TEX101: variants seen among roughly 807,000 people sequenced by gnomAD.
TEX101 encodes testis expressed 101, also known as testis-expressed protein 101.
Under a neutral mutation model 18.1 loss-of-function variants are expected in TEX101, and 10 were observed. That is an observed-to-expected ratio of 0.55 (90% CI 0.34 to 0.94). The LOEUF is 0.94. TEX101 is among the 40% of genes least tolerant of loss of function. The pLI is 0.02. For synonymous variants in TEX101, 94 were observed against 114.8 expected, an observed-to-expected ratio of 0.82 and a Z score of 1.16; for missense variants, 259 against 298.9, an observed-to-expected ratio of 0.87 and a Z score of 0.98.
At chr19:43,402,177 G>C (rs1274998842) in intron 1 of TEX101, among the ~76,000 whole-genome samples, 1 of 152,256 alleles carries the variant, frequency 6.6e-6, no homozygotes, top group African/African-American at 2.4e-5. Context: ...AACTGAACCA[G>C]TATGAATATG....
At chr19:43,388,968 G>A in the TEX101 span, among the ~76,000 whole-genome samples, 36 of 152,074 alleles carry the variant, frequency 2.4e-4, no homozygotes, top group South Asian at 8.3e-4. Context: ...GGTTCCTCCC[G>A]GGCCCTGCCT....
At chr19:43,413,435 G>C (rs1970436896), upstream of TEX101, among the ~76,000 whole-genome samples, 1 of 149,856 alleles carries the variant, frequency 6.7e-6, no homozygotes, top group Admixed American at 6.7e-5. Context: ...TCGGGAGGCA[G>C]AGCTTGCAGT....
upstream of TEX101, among the ~76,000 whole-genome samples, chr19:43,412,741 G>A (rs1439707198): frequency 6.6e-6 from 1 of 152,120 alleles, no homozygotes; most frequent in African/African-American, 2.4e-5. Context: ...AGGGATTGAA[G>A]CTTTACCAAT....
Position 43,416,169 on chromosome 19 carries a change from C to G in TEX101, c.135C>G (p.Asn45Lys), listed in dbSNP as rs746376695. The change falls in exon 3 of 6, where the codon AAC becomes AAG. Residue 45 changes from asparagine (N) to lysine (K), a missense_variant. Transcript: ENST00000598265. ...AAGCAGATCCAGCCAATATGTTTAACTGGACCACAGAGGAAGTGGAGACTT... is the reference window on the plus strand; with the variant it reads ...AAGCAGATCCAGCCAATATGTTTAAGTGGACCACAGAGGAAGTGGAGACTT... ...TVEADPANMF[N>K]WTTEEVETCD... 1 of 1,614,036 alleles carries G rather than the reference C, an allele frequency of 6.2e-7. No individual in the cohort carries two copies. The highest frequency in any genetic ancestry group is 1.7e-5 in the Admixed American group (1 of 59,980).
chr19:43,409,144 G>C (rs546648809), intron 3 of TEX101, among the ~76,000 whole-genome samples: 2 of 152,300 alleles, frequency 1.3e-5, no homozygotes, highest in East Asian at 1.9e-4. Flanking sequence ...AAACTTCAGG[G>C]TGTTCCGTCC....
At chr19:43,410,264 G>C (rs955978344), upstream of TEX101, among the ~76,000 whole-genome samples, 2 of 152,170 alleles carry the variant, frequency 1.3e-5, no homozygotes, top group African/African-American at 4.8e-5. Flanking sequence ...GGCATTGGAG[G>C]AATGGGCTTT....
chr19:43,410,761 CAGAT>C (rs1970412102), upstream of TEX101, among the ~76,000 whole-genome samples: 2 of 151,204 alleles, frequency 1.3e-5, no homozygotes, highest in Non-Finnish European at 2.9e-5. Flanking sequence ...ACACAGCACA[CAGAT>C]ACACACAGAC....
At chr19:43,388,873 C>A in the TEX101 span, among the ~76,000 whole-genome samples, 15 of 151,992 alleles carry the variant, frequency 9.9e-5, no homozygotes, top group African/African-American at 3.6e-4. Context: ...GTTTCTTAAT[C>A]ATATTTTTCC....
the TEX101 span, among the ~76,000 whole-genome samples, chr19:43,389,556 G>T: frequency 6.6e-5 from 10 of 152,230 alleles, no homozygotes; most frequent in African/African-American, 2.2e-4. Flanking sequence ...GGGCCCTGTG[G>T]CCTCCAAGCT....
rs568871722 is a variant in TEX101, at chr19:43,405,246, CCAAA to C, written c.-282-972_-282-969del. Among the ~76,000 whole-genome samples the C allele has an allele frequency of 6.0e-3, 909 of 152,052 alleles. 6 individuals carry two copies. Among genetic ancestry groups the C allele is most frequent in the Non-Finnish European group, 9.6e-3 (651 of 67,982 alleles). On this transcript the variant is annotated intron_variant, in intron 2 of 7. Transcript: ENST00000602198. ...CGTGCTGGAATTTCTAGCCTATTTC[CCAAA>C]CAAAGATTATCAGAGTGGATTAGGA...
chr19:43,390,492 A>C, the TEX101 span, among the ~76,000 whole-genome samples: 1 of 39,940 alleles, frequency 2.5e-5, no homozygotes, highest in South Asian at 9.7e-4. Flanking sequence ...TTTTGAGAAG[A>C]GTTCTCACTC....
upstream of TEX101, among the ~76,000 whole-genome samples, chr19:43,411,534 T>A (rs1970419114): frequency 6.6e-6 from 1 of 152,250 alleles, no homozygotes; most frequent in Non-Finnish European, 1.5e-5. Flanking sequence ...AAAGATGCCT[T>A]CACTGTATAT....
intron 1 of TEX101, 91 bp from the exon 2 acceptor site, chr19:43,415,790 C>T: frequency 1.8e-6 from 2 of 1,138,726 alleles, no homozygotes; most frequent in Non-Finnish European, 2.6e-6. Context: ...TTAAAACACC[C>T]CACCCTGAAG....
chr19:43,417,381 A>G (rs796411692), intron 4 of TEX101, among the ~76,000 whole-genome samples: 47 of 152,284 alleles, frequency 3.1e-4, no homozygotes, highest in African/African-American at 1.1e-3. Flanking sequence ...GCAACTTCTC[A>G]CAATTCCCTG....
At chr19:43,409,477 T>G (rs573520535) in intron 3 of TEX101, among the ~76,000 whole-genome samples, 1 of 152,230 alleles carries the variant, frequency 6.6e-6, no homozygotes, top group South Asian at 2.1e-4. Context: ...TTGGTCAAAT[T>G]GCATAAAAAA....
intron 3 of TEX101, among the ~76,000 whole-genome samples, chr19:43,407,937 G>A (rs1382230414): frequency 1.3e-5 from 2 of 152,248 alleles, no homozygotes; most frequent in Non-Finnish European, 2.9e-5. Context: ...AGCTGCTTCT[G>A]GGTCCGAGTT....
At chr19:43,393,465 C>CA in the TEX101 span, among the ~76,000 whole-genome samples, 15,985 of 152,076 alleles carry the variant, frequency 0.11, 1,054 homozygotes, top group Middle Eastern at 0.2. Flanking sequence ...TACACCACCT[C>CA]AAGGGTGGTG....
upstream of TEX101, among the ~76,000 whole-genome samples, chr19:43,397,736 A>C (rs1052871674): frequency 3.6e-5 from 5 of 139,772 alleles, no homozygotes; most frequent in African/African-American, 1.3e-4. Context: ...TACATAGTCC[A>C]TTTTCAATCT....
At chr19:43,390,825 C>T in the TEX101 span, among the ~76,000 whole-genome samples, 97 of 151,946 alleles carry the variant, frequency 6.4e-4, no homozygotes, top group African/African-American at 2.2e-3. Context: ...TGTTGTTCAA[C>T]GACCACCACT....
Sources: allele counts gnomAD v4.1 joint callset (sites outside exome capture counted in the v4.1 genomes callset), GRCh38; gene constraint gnomAD v4.1.1; transcripts MANE v1.5; gene names NCBI Gene and HGNC (gene_info 2026-07-23, HGNC 2026-07-21).